GIT2: variants seen among roughly 807,000 people sequenced by gnomAD.
The protein encoded by GIT2 is ARF GTPase-activating protein GIT2.
Under a neutral mutation model 100.3 loss-of-function variants are expected in GIT2, and 32 were observed. That is an observed-to-expected ratio of 0.32 (90% CI 0.24 to 0.43). GIT2 has a LOEUF of 0.43. GIT2 is among the 20% of genes least tolerant of loss of function. The pLI is 1.00. For synonymous variants in GIT2, 353 were observed against 364.1 expected (o/e 0.97, Z 0.35); for missense variants, 737 against 975.1 (o/e 0.76, Z 3.25).
chr12:109,987,908 C>T (rs1218729207), intron 4 of GIT2, among the ~76,000 whole-genome samples: 4 of 152,152 alleles, frequency 2.6e-5, no homozygotes, highest in Non-Finnish European at 4.4e-5. Flanking sequence ...TAAAGAAAAC[C>T]ACCTCACTCG....
At chr12:109,938,635 C>G (rs1331425101) in intron 17 of GIT2, 67 bp from the exon 18 acceptor site, 12 of 1,203,992 alleles carry the variant, frequency 1.0e-5, no homozygotes, top group Non-Finnish European at 1.4e-5. Context: ...CTTCTAGGAG[C>G]CACTTTGTAT....
intron 4 of GIT2, among the ~76,000 whole-genome samples, chr12:109,987,596 A>AGCT (rs1181548344): frequency 6.6e-6 from 1 of 151,556 alleles, no homozygotes; most frequent in African/African-American, 2.4e-5. Flanking sequence ...CCTCCCAGGT[A>AGCT]GCTGGTACTA....
intron 17 of GIT2, 52 bp downstream of exon 17, chr12:109,939,113 G>A (rs1227851184): frequency 9.4e-7 from 1 of 1,061,894 alleles, no homozygotes; most frequent in Non-Finnish European, 1.5e-6. Flanking sequence ...GGCCTGCCAG[G>A]TCTCTGGCCC....
intron 7 of GIT2, among the ~76,000 whole-genome samples, chr12:109,969,286 G>C (rs1883279477): frequency 6.7e-6 from 1 of 148,152 alleles, no homozygotes; most frequent in South Asian, 2.1e-4. Context: ...TCCTGCCTCA[G>C]CCTCCCAAGT....
Position 109,996,283 on chromosome 12 carries a change from G to A in GIT2, c.-59C>T. 8.0e-7 allele frequency: 1 copy of A among 1,255,528 alleles called. No individual in the cohort carries two copies. The highest frequency in any genetic ancestry group is 1.1e-6 in the Non-Finnish European group (1 of 898,460). The allele number at this position is 1,255,528 out of a possible 1,614,324, so 77.8% of individuals were successfully genotyped here. A position where few individuals can be genotyped will look rare whatever the true frequency, so the allele number is the denominator to read the frequency against. The stretch of plus-strand genomic sequence containing the variant: ...CCGGGGGACAGCAAAGGCGGCGGTG[G>A]CGGCGGCGCTTCCGCTCTAACGGGT... On this transcript the variant is annotated 5_prime_UTR_variant, in exon 1 of 20. Transcript: ENST00000355312.
At chr12:109,965,858 C>A in intron 8 of GIT2, 1 of 553,446 alleles carries the variant, frequency 1.8e-6, no homozygotes, top group Non-Finnish European at 3.4e-6. Context: ...CCTTCCAGGC[C>A]CTTATGTGAG....
intron 14 of GIT2, chr12:109,949,173 C>T: frequency 2.9e-6 from 1 of 339,696 alleles, no homozygotes; most frequent in South Asian, 5.1e-5. Flanking sequence ...CAAAGCAGCC[C>T]TGAACATTTC....
Position 109,996,279 on chromosome 12 carries a change from G to A in GIT2, c.-55C>T, listed in dbSNP as rs1365475744. On this transcript the variant is annotated 5_prime_UTR_variant, in exon 1 of 20. Coordinates refer to ENST00000355312, the MANE Select transcript of GIT2 (RefSeq NM_057169.5). ...GAGGCCGGGGGACAGCAAAGGCGGC[G>A]GTGGCGGCGGCGCTTCCGCTCTAAC... 6 of 1,297,058 alleles carry A rather than the reference G, an allele frequency of 4.6e-6. No individual in the cohort carries two copies. Among genetic ancestry groups the A allele is most frequent in the Middle Eastern group, 1.9e-4 (1 of 5,186 alleles). 80.3% of individuals were successfully genotyped at this position (1,297,058 alleles called of 1,614,324 possible).
At position 109,933,351 on chromosome 12, in the gene GIT2, A is replaced by AAG; in HGVS notation, c.2068-162_2068-161insCT. The stretch of plus-strand genomic sequence containing the variant: ...GTGCTTCACACACTCCAAGCTTTGC[A>AAG]GCCCACAGCGTAAGAGATGCTGAAA... On this transcript the variant is annotated intron_variant, in intron 19 of 19. Transcript: ENST00000355312. The surrounding 1 kb of genome is among the most constrained non-coding windows in gnomAD (Gnocchi z 4.5). The AAG allele has an allele frequency of 1.7e-6, 1 of 587,910 alleles. No homozygotes were observed. The highest frequency in any genetic ancestry group is 3.0e-6 in the Non-Finnish European group (1 of 328,838). 36.4% of individuals were successfully genotyped at this position (587,910 alleles called of 1,614,324 possible). A position where few individuals can be genotyped will look rare whatever the true frequency, so the allele number is the denominator to read the frequency against.
Position 109,932,500 on chromosome 12 carries a change from A to G in GIT2, c.*478T>C, listed in dbSNP as rs1871819928. 3 of 161,582 alleles carry G rather than the reference A, an allele frequency of 1.9e-5. No individual in the cohort carries two copies. In the South Asian group the frequency reaches 5.1e-4, roughly 27 times the overall value. The allele number at this position is 161,582 out of a possible 1,614,324, so 10.0% of individuals were successfully genotyped here. ...TTTCTCTACATACATGCTTGGAGAT[A>G]CCCCAAACTTAGAGATTATGAAGTA... On this transcript the variant is annotated 3_prime_UTR_variant, in exon 20 of 20. Coordinates refer to ENST00000355312, the MANE Select transcript of GIT2 (RefSeq NM_057169.5).
At chr12:109,979,403 G>A (rs993667786) in intron 7 of GIT2, among the ~76,000 whole-genome samples, 6 of 150,750 alleles carry the variant, frequency 4.0e-5, no homozygotes, top group Non-Finnish European at 5.9e-5. Context: ...CTCCCGAGTA[G>A]CTGGGACTAT....
At chr12:109,935,432 C>T (rs1309408636) in intron 18 of GIT2, among the ~76,000 whole-genome samples, 1 of 152,216 alleles carries the variant, frequency 6.6e-6, no homozygotes, top group East Asian at 1.9e-4. Flanking sequence ...GTCGCTCAGG[C>T]TGGAGTGCAG....
At position 109,935,472 on chromosome 12, in the gene GIT2, G is replaced by T. The variant is rs566733847; in HGVS notation, c.2004-1387C>A. ...GCAATCTCGGCTCACTGCAACCTCC[G>T]CCTCCTGGCTTCTCCGCCTCCCGGC... On this transcript the variant is annotated intron_variant, in intron 18 of 19. Transcript: ENST00000355312. Among the ~76,000 whole-genome samples, 4 of 152,174 alleles carry T rather than the reference G, an allele frequency of 2.6e-5. No individual in the cohort carries two copies. The East Asian group carries it at 7.7e-4, about 29-fold the overall frequency.
chr12:109,985,317 C>T (rs903026146), intron 4 of GIT2, among the ~76,000 whole-genome samples: 1 of 151,900 alleles, frequency 6.6e-6, no homozygotes, highest in African/African-American at 2.4e-5. Flanking sequence ...AAACCCAACA[C>T]ATACCAAGTC....
chr12:109,967,286 C>T (rs539662396), intron 8 of GIT2, 172 bp downstream of exon 8: 2 of 1,562,020 alleles, frequency 1.3e-6, no homozygotes, highest in South Asian at 2.3e-5. Flanking sequence ...CTCTTTGAAA[C>T]TTAAGTTTTA....
chr12:109,991,842 G>C (rs1593166650), intron 1 of GIT2, 82 bp from the exon 2 acceptor site: 2 of 1,292,600 alleles, frequency 1.5e-6, no homozygotes, highest in Non-Finnish European at 2.2e-6. Flanking sequence ...CTGAAGTTTG[G>C]TTTGTCAGAA....
chr12:109,993,469 A>T (rs1481931798), intron 1 of GIT2, among the ~76,000 whole-genome samples: 28 of 152,184 alleles, frequency 1.8e-4, no homozygotes, highest in Admixed American at 1.7e-3. Context: ...GGTGGTTAAG[A>T]GGGTTGGCTC....
chr12:109,969,039 C>A (rs901806412), intron 7 of GIT2, among the ~76,000 whole-genome samples: 21 of 151,018 alleles, frequency 1.4e-4, no homozygotes, highest in Admixed American at 6.6e-4. Context: ...TTTTAAAATT[C>A]TTTGAATATT....
In GIT2 at chr12:109,934,209, C is replaced by T. The variant is rs890020486; in HGVS notation, c.2004-124G>A. On this transcript the variant is annotated intron_variant, in intron 18 of 19. Coordinates refer to ENST00000355312, the MANE Select transcript of GIT2 (RefSeq NM_057169.5). This position sits in a 1 kb window ranked among gnomAD's most constrained non-coding sequence, Gnocchi z 4.5. ...TGAAGGGGCTAGGGCTGCAGTCAGC[C>T]GTGCATCCCACACCACCAGAGGGCA... 46 of 674,538 alleles carry T rather than the reference C, an allele frequency of 6.8e-5. No homozygotes were observed. The highest frequency in any genetic ancestry group is 8.3e-5 in the Non-Finnish European group (30 of 362,210). 41.8% of individuals were successfully genotyped at this position (674,538 alleles called of 1,614,324 possible). A position where few individuals can be genotyped will look rare whatever the true frequency, so the allele number is the denominator to read the frequency against.
Sources: gnomAD v4.1 joint callset for allele counts (sites outside exome capture counted in the v4.1 genomes callset) on GRCh38, gnomAD v4.1.1 for gene constraint, Gnocchi (gnomAD v3.1) non-coding constraint, MANE v1.5 for transcripts, NCBI Gene and HGNC (gene_info 2026-07-23, HGNC 2026-07-21) for gene names.